MBD5: variants seen among roughly 807,000 people sequenced by gnomAD.
MBD5 encodes the protein methyl-CpG-binding domain protein 5.
In MBD5, 13 loss-of-function variants were observed where a neutral mutation model predicts 117.3. That is an observed-to-expected ratio of 0.11 (90% CI 0.07 to 0.18). MBD5 has a LOEUF of 0.18. Among genes scored for constraint, MBD5 ranks in the 10% least tolerant of loss-of-function variants. The probability of loss-of-function intolerance (pLI) is 1.00; values close to 1 mark genes in which losing one functional copy is unlikely to be tolerated. For missense variants in MBD5, 1,879 were observed against 2,093.8 expected (o/e 0.90, Z 2.00); for synonymous variants, 727 against 766.4 (o/e 0.95, Z 0.85).
chr2:148,462,215 T>C (rs781166656), intron 5 of MBD5, among the ~76,000 whole-genome samples: 2 of 152,220 alleles, frequency 1.3e-5, no homozygotes, highest in Non-Finnish European at 2.9e-5. Flanking sequence ...AAAGTAGATA[T>C]TCTAGTTTAA....
chr2:148,154,938 G>T (rs200712987), intron 1 of MBD5, among the ~76,000 whole-genome samples: 1 of 152,062 alleles, frequency 6.6e-6, no homozygotes, highest in Non-Finnish European at 1.5e-5. Context: ...ATTCCTATTC[G>T]GCCATCTTGG....
At chr2:148,145,763 T>C (rs1174099071) in intron 1 of MBD5, among the ~76,000 whole-genome samples, 1 of 152,200 alleles carries the variant, frequency 6.6e-6, no homozygotes, top group Non-Finnish European at 1.5e-5. Flanking sequence ...TTGATTTGCA[T>C]ATGTCGAACC....
At chr2:148,464,138 C>T (rs556746094) in intron 7 of MBD5, among the ~76,000 whole-genome samples, 1 of 152,260 alleles carries the variant, frequency 6.6e-6, no homozygotes, top group Non-Finnish European at 1.5e-5. Context: ...TTCAGTTTAA[C>T]AGGCAGAATA....
intron 4 of MBD5, among the ~76,000 whole-genome samples, chr2:148,360,531 C>A (rs1703503192): frequency 6.6e-6 from 1 of 152,072 alleles, no homozygotes; most frequent in Non-Finnish European, 1.5e-5. Context: ...ATTTTTAAAA[C>A]CATGATATCC....
intron 1 of MBD5, among the ~76,000 whole-genome samples, chr2:148,023,713 G>A (rs1440221558): frequency 6.6e-6 from 1 of 151,922 alleles, no homozygotes; most frequent in Admixed American, 6.6e-5. Flanking sequence ...TTGCCCAGTA[G>A]GCAGCTGAGT....
At chr2:148,325,375 T>C (rs1159721872) in intron 3 of MBD5, among the ~76,000 whole-genome samples, 1 of 152,218 alleles carries the variant, frequency 6.6e-6, no homozygotes, top group Admixed American at 6.5e-5. Flanking sequence ...GGATTCCCTC[T>C]TTTTCTATTG....
chr2:148,196,667 T>A (rs1698996601), intron 2 of MBD5, among the ~76,000 whole-genome samples: 1 of 152,186 alleles, frequency 6.6e-6, no homozygotes, highest in African/African-American at 2.4e-5. Context: ...AGAATGTAGA[T>A]CATATGGTAA....
intron 3 of MBD5, among the ~76,000 whole-genome samples, chr2:148,341,571 G>A (rs1403649155): frequency 5.3e-5 from 8 of 151,656 alleles, no homozygotes; most frequent in Admixed American, 4.6e-4. Context: ...GGGATTTTTT[G>A]GTATTTTTTG....
chr2:148,346,164 G>T (rs1374085238), intron 4 of MBD5: 1 of 151,454 alleles, frequency 6.6e-6, no homozygotes, highest in African/African-American at 2.4e-5. Context: ...AACTAAAACT[G>T]CTCTGAAAAA....
At chr2:148,380,709 G>A (rs1704113116) in intron 4 of MBD5, among the ~76,000 whole-genome samples, 1 of 152,098 alleles carries the variant, frequency 6.6e-6, no homozygotes, top group South Asian at 2.1e-4. Flanking sequence ...AGCCTAACTG[G>A]GAGGCACCCC....
chr2:148,315,667 T>C (rs1451213273), intron 3 of MBD5, among the ~76,000 whole-genome samples: 4 of 152,190 alleles, frequency 2.6e-5, no homozygotes, highest in Non-Finnish European at 4.4e-5. Flanking sequence ...TTTCCCTCCA[T>C]TAATCCTCTG....
In MBD5 at chr2:148,151,414, G is replaced by T. The variant is rs560249288; in HGVS notation, c.-924-27286G>T. ...TGGTCTAAAATTCTCTTTTTTGGTT[G>T]TGTCTCTACCCAGCTTTGGTATCAG... On this transcript the variant is annotated intron_variant, in intron 1 of 13. Transcript: ENST00000642680. Among the ~76,000 whole-genome samples, 244 of 152,164 alleles carry T rather than the reference G, an allele frequency of 1.6e-3. 9 individuals are homozygous for T. In the South Asian group the frequency reaches 0.05, roughly 31 times the overall value.
At chr2:148,424,177 CAAAAAAAAAAAAAAAAA>C (rs56740583) in intron 4 of MBD5, among the ~76,000 whole-genome samples, 17 of 53,456 alleles carry the variant, frequency 3.2e-4, no homozygotes, top group East Asian at 1.3e-3. Context: ...GACTCTGTCT[CAAAAAAAAAAAAAAAAA>C]AAAAAAAAAA....
intron 4 of MBD5, among the ~76,000 whole-genome samples, chr2:148,407,109 T>G (rs1705102971): frequency 6.6e-6 from 1 of 152,212 alleles, no homozygotes; most frequent in Admixed American, 6.5e-5. Context: ...AAAGGACATT[T>G]AGGTGTTGAA....
At chr2:148,369,085 A>G (rs899154361) in intron 4 of MBD5, among the ~76,000 whole-genome samples, 8 of 152,144 alleles carry the variant, frequency 5.3e-5, no homozygotes, top group Non-Finnish European at 1.2e-4. Flanking sequence ...CGTGACCTCA[A>G]TTGAATTATG....
intron 4 of MBD5, among the ~76,000 whole-genome samples, chr2:148,362,998 G>C (rs1183734486): frequency 6.6e-6 from 1 of 152,142 alleles, no homozygotes; most frequent in Admixed American, 6.5e-5. Context: ...CCAACACAAA[G>C]ACCAAAGGTA....
intron 1 of MBD5, among the ~76,000 whole-genome samples, chr2:148,149,563 A>G (rs1334063088): frequency 5.3e-5 from 8 of 151,460 alleles, no homozygotes; most frequent in African/African-American, 1.2e-4. Flanking sequence ...CCAACAGTGT[A>G]AAAGTGTTCC....
intron 1 of MBD5, among the ~76,000 whole-genome samples, chr2:148,151,037 C>T (rs1268502432): frequency 1.3e-5 from 2 of 148,346 alleles, no homozygotes; most frequent in African/African-American, 2.5e-5. Context: ...AAAGGGAATG[C>T]TTCCAGTTTT....
intron 4 of MBD5, among the ~76,000 whole-genome samples, chr2:148,454,986 G>A (rs1706840931): frequency 6.6e-6 from 1 of 152,108 alleles, no homozygotes; most frequent in South Asian, 2.1e-4. Context: ...TAATCTGTGA[G>A]CATGGAATAG....
Sources: gnomAD v4.1 joint callset for allele counts (sites outside exome capture counted in the v4.1 genomes callset) on GRCh38, gnomAD v4.1.1 for gene constraint, MANE v1.5 for transcripts, NCBI Gene and HGNC (gene_info 2026-07-23, HGNC 2026-07-21) for gene names.